CCSER1: variants seen among roughly 807,000 people sequenced by gnomAD.
CCSER1 encodes the protein coiled-coil serine rich protein 1, also known as serine-rich coiled-coil domain-containing protein 1.
A neutral mutation model predicts 82.0 loss-of-function variants in CCSER1; 41 were observed. That is an observed-to-expected ratio of 0.50 (90% CI 0.39 to 0.65). CCSER1 has a LOEUF of 0.65. Among genes scored for constraint, CCSER1 ranks in the 30% least tolerant of loss-of-function variants. The pLI is 0.00. For synonymous variants in CCSER1, 414 were observed against 383.9 expected, an observed-to-expected ratio of 1.08 and a Z score of -0.92; for missense variants, 1,119 against 1,064.2, an observed-to-expected ratio of 1.05 and a Z score of -0.72.
chr4:91,200,946 ATCTC>A (rs142763914), intron 10 of CCSER1, among the ~76,000 whole-genome samples: 8,153 of 152,040 alleles, frequency 0.054, 276 homozygotes, highest in African/African-American at 0.1. Flanking sequence ...TAGTTGAAAA[ATCTC>A]TCAGGTATTT....
chr4:91,249,607 TAA>T (rs1436256218), intron 10 of CCSER1, among the ~76,000 whole-genome samples: 1 of 152,184 alleles, frequency 6.6e-6, no homozygotes, highest in Non-Finnish European at 1.5e-5. Context: ...GGCCTTTACT[TAA>T]GTTACTCCTT....
chr4:91,197,879 G>A (rs2149061474), intron 10 of CCSER1, among the ~76,000 whole-genome samples: 1 of 151,830 alleles, frequency 6.6e-6, no homozygotes, highest in South Asian at 2.1e-4. Flanking sequence ...TTAATGAATG[G>A]AAATGCTATA....
At chr4:90,151,695 A>C in intron 1 of CCSER1, among the ~76,000 whole-genome samples, 1 of 152,170 alleles carries the variant, frequency 6.6e-6, no homozygotes, top group Non-Finnish European at 1.5e-5. Flanking sequence ...AACATAATTC[A>C]GTCTAGGAGA....
At chr4:91,397,933 A>G (rs1489893655) in intron 10 of CCSER1, among the ~76,000 whole-genome samples, 4 of 151,958 alleles carry the variant, frequency 2.6e-5, no homozygotes, top group Admixed American at 2.0e-4. Flanking sequence ...CAGGACGGGC[A>G]TGGGTAGAGA....
intron 8 of CCSER1, among the ~76,000 whole-genome samples, chr4:90,923,001 A>G (rs1276728308): frequency 2.6e-5 from 4 of 152,120 alleles, no homozygotes; most frequent in Non-Finnish European, 1.5e-5. Context: ...AATATTTTTT[A>G]TTTCAAATGT....
At chr4:91,214,170 A>G (rs1256287509) in intron 10 of CCSER1, among the ~76,000 whole-genome samples, 3 of 152,172 alleles carry the variant, frequency 2.0e-5, no homozygotes, top group African/African-American at 7.2e-5. Flanking sequence ...GAGAAACCAC[A>G]CTTGAATTTC....
chr4:91,104,185 T>C (rs982554257), intron 10 of CCSER1, among the ~76,000 whole-genome samples: 7 of 152,176 alleles, frequency 4.6e-5, no homozygotes, highest in African/African-American at 9.7e-5. Context: ...ATCCAGACAA[T>C]ATATGCACCA....
At chr4:90,928,075 T>G (rs948700382) in intron 9 of CCSER1, among the ~76,000 whole-genome samples, 2 of 152,044 alleles carry the variant, frequency 1.3e-5, no homozygotes, top group Non-Finnish European at 2.9e-5. Context: ...TGCTCTGGCA[T>G]TTATTAGAAA....
At chr4:90,577,938 G>A (rs1436002765) in intron 5 of CCSER1, among the ~76,000 whole-genome samples, 1 of 151,752 alleles carries the variant, frequency 6.6e-6, no homozygotes, top group Non-Finnish European at 1.5e-5. Context: ...AATATTTATT[G>A]CCTTGTGAAG....
chr4:90,353,867 A>G (rs1743941769), intron 3 of CCSER1, among the ~76,000 whole-genome samples: 1 of 152,182 alleles, frequency 6.6e-6, no homozygotes, highest in Non-Finnish European at 1.5e-5. Context: ...TTATGGAAAG[A>G]GTATGACATT....
chr4:91,305,383 G>C (rs1744975845), intron 10 of CCSER1, among the ~76,000 whole-genome samples: 1 of 151,988 alleles, frequency 6.6e-6, no homozygotes, highest in Admixed American at 6.6e-5. Context: ...GCCATTATTT[G>C]CAATTGTAAG....
intron 8 of CCSER1, among the ~76,000 whole-genome samples, chr4:90,908,087 C>T (rs1348841528): frequency 6.6e-6 from 1 of 152,060 alleles, no homozygotes; most frequent in African/African-American, 2.4e-5. Context: ...ATGGTCCCTG[C>T]TCTAAGGAAC....
At chr4:91,392,610 T>C (rs1578347007) in intron 10 of CCSER1, among the ~76,000 whole-genome samples, 2 of 152,134 alleles carry the variant, frequency 1.3e-5, no homozygotes, top group African/African-American at 4.8e-5. Flanking sequence ...TGGGGGTTTT[T>C]CTTTAGAGTC....
chr4:91,169,895 C>G lies in CCSER1; in HGVS notation c.2217+83901C>G, dbSNP rs73836866. On this transcript the variant is annotated intron_variant, in intron 10 of 10. Transcript: ENST00000509176. ...CAATTGTATTGATAAAGTCAATATG[C>G]TCAATGAAAAATTCCATATCTAGGC... Among the ~76,000 whole-genome samples, 740 of 152,238 alleles carry G rather than the reference C, an allele frequency of 4.9e-3. 7 individuals carry two copies. The highest frequency in any genetic ancestry group is 0.017 in the African/African-American group (705 of 41,520).
chr4:90,960,950 A>C (rs1733994562), intron 9 of CCSER1, among the ~76,000 whole-genome samples: 1 of 152,196 alleles, frequency 6.6e-6, no homozygotes. Context: ...AAGTGAAGTA[A>C]CACAGGCAGT....
intron 8 of CCSER1, among the ~76,000 whole-genome samples, chr4:90,825,002 A>T (rs1363064248): frequency 1.3e-5 from 2 of 152,270 alleles, no homozygotes; most frequent in Middle Eastern, 3.4e-3. Context: ...TATGATACAT[A>T]ATGGGGACTG....
rs950989462 is a variant in CCSER1 at position 90,218,353 on chromosome 4, T to C, written c.-41-89891T>C. Among the ~76,000 whole-genome samples the C allele has an allele frequency of 2.0e-4, 30 of 152,208 alleles. 1 individual carries two copies. The highest frequency in any genetic ancestry group is 1.5e-5 in the Non-Finnish European group (1 of 68,026). ...TAGTATTTTGTATAGTATTTAACTA[T>C]TGAGTACTATGTTCAGCATATGGGT... is the stretch of plus-strand genomic sequence containing the variant. On this transcript the variant is annotated intron_variant, in intron 1 of 10. Transcript: ENST00000509176.
intron 3 of CCSER1, among the ~76,000 whole-genome samples, chr4:90,325,904 A>G (rs1244117486): frequency 1.3e-5 from 2 of 152,266 alleles, no homozygotes; most frequent in African/African-American, 4.8e-5. Context: ...ATATAGAAAT[A>G]TCTAAATATA....
At chr4:90,714,384 G>A (rs960574331) in intron 6 of CCSER1, among the ~76,000 whole-genome samples, 3 of 152,090 alleles carry the variant, frequency 2.0e-5, no homozygotes, top group Non-Finnish European at 4.4e-5. Flanking sequence ...TCTCAAGACT[G>A]TCAGTTAAAT....
Sources: allele counts gnomAD v4.1 joint callset (sites outside exome capture counted in the v4.1 genomes callset), GRCh38; gene constraint gnomAD v4.1.1; transcripts MANE v1.5; gene names NCBI Gene and HGNC (gene_info 2026-07-23, HGNC 2026-07-21).